Variants in RBMS2 observed in about 807,000 individuals in gnomAD.
RBMS2 encodes the protein RNA binding motif single stranded interacting protein 2.
RBMS2 carries 38 observed loss-of-function variants against 58.4 expected under a neutral mutation model. That is an observed-to-expected ratio of 0.65 (90% CI 0.50 to 0.85). The LOEUF is 0.85. Among genes scored for constraint, RBMS2 ranks in the 40% least tolerant of loss-of-function variants. The pLI, the probability that RBMS2 is intolerant of heterozygous loss-of-function variation, is 0.00. For missense variants in RBMS2, 367 were observed against 503.7 expected (o/e 0.73, Z 2.60); for synonymous variants, 151 against 180.7 (o/e 0.84, Z 1.32).
At chr12:56,524,574 G>T (rs139578445) in intron 1 of RBMS2, among the ~76,000 whole-genome samples, 1 of 151,342 alleles carries the variant, frequency 6.6e-6, no homozygotes, top group Admixed American at 6.6e-5. Flanking sequence ...CACCACACCC[G>T]GACAATTTTT....
Position 56,538,533 on chromosome 12 carries a change from G to A in RBMS2, c.66+16444G>A, listed in dbSNP as rs182340344. Reference sequence around the variant, plus strand: ...CAGGCTGTCTCACTCTGTCACCCAGGCTGGAGTGCAGTGATCTCAGCTTAC... The same window carrying A: ...CAGGCTGTCTCACTCTGTCACCCAGACTGGAGTGCAGTGATCTCAGCTTAC... On this transcript the variant is annotated intron_variant, in intron 1 of 13. Coordinates refer to ENST00000262031, the MANE Select transcript of RBMS2 (RefSeq NM_002898.4). Among the ~76,000 whole-genome samples, 98 of 136,136 alleles carry A rather than the reference G, an allele frequency of 7.2e-4. 2 individuals are homozygous for A. In the East Asian group the frequency reaches 0.019, roughly 26 times the overall value. 89.3% of individuals were successfully genotyped at this position (136,136 alleles called of 152,430 possible).
chr12:56,531,686 G>C (rs1873753994), intron 1 of RBMS2, among the ~76,000 whole-genome samples: 1 of 151,520 alleles, frequency 6.6e-6, no homozygotes, highest in Admixed American at 6.6e-5. Flanking sequence ...AAATTAGCTG[G>C]GCGTGGTGGT....
At chr12:56,545,316 G>C (rs1189545096) in intron 1 of RBMS2, among the ~76,000 whole-genome samples, 1 of 152,048 alleles carries the variant, frequency 6.6e-6, no homozygotes, top group Non-Finnish European at 1.5e-5. Flanking sequence ...CTTGTTGGTC[G>C]ATGAGCACTT....
rs1885676931 is a variant in RBMS2, at chr12:56,595,434, C to T, written c.*6301C>T. 6.8e-6 allele frequency: 1 copy of T among 146,966 alleles called. No individual in the cohort carries two copies. Among genetic ancestry groups the T allele is most frequent in the African/African-American group, 2.5e-5 (1 of 40,620 alleles). 9.1% of individuals were successfully genotyped at this position (146,966 alleles called of 1,614,324 possible). Reference sequence around the variant, plus strand: ...TATTTTGCATATTTTTATCTGGAGACTTCTTCTAGTTTTATACTCTTCCCA... The same window carrying T: ...TATTTTGCATATTTTTATCTGGAGATTTCTTCTAGTTTTATACTCTTCCCA... On this transcript the variant is annotated 3_prime_UTR_variant, in exon 14 of 14. Coordinates refer to ENST00000262031, the MANE Select transcript of RBMS2 (RefSeq NM_002898.4).
chr12:56,564,537 T>C (rs1880988481), intron 2 of RBMS2, among the ~76,000 whole-genome samples: 1 of 152,120 alleles, frequency 6.6e-6, no homozygotes, highest in African/African-American at 2.4e-5. Flanking sequence ...TAATTTTTTG[T>C]AAATTTTGTA....
chr12:56,550,308 T>C (rs1395095949), intron 1 of RBMS2, among the ~76,000 whole-genome samples: 1 of 152,044 alleles, frequency 6.6e-6, no homozygotes, highest in East Asian at 1.9e-4. Context: ...GGTGGGCAGA[T>C]TGCTTGAGCT....
intron 9 of RBMS2, among the ~76,000 whole-genome samples, chr12:56,586,525 G>C (rs1027830968): frequency 6.6e-6 from 1 of 151,130 alleles, no homozygotes; most frequent in African/African-American, 2.4e-5. Context: ...TTGGCTATTT[G>C]TATATCTTCT....
chr12:56,572,062 G>C lies in RBMS2; in HGVS notation c.542+207G>C, dbSNP rs988102716. Among the ~76,000 whole-genome samples the C allele has an allele frequency of 1.3e-4, 20 of 152,186 alleles. 1 individual carries two copies. The East Asian group carries it at 3.7e-3, about 28-fold the overall frequency. On this transcript the variant is annotated intron_variant, in intron 5 of 13. Coordinates refer to ENST00000262031, the MANE Select transcript of RBMS2 (RefSeq NM_002898.4). ...CCAGCACTTTAGGAGGCCAAGGCAG[G>C]CATATCACCTGAGGTCAGGAGTTTG...
chr12:56,561,857 G>C (rs1159628594), intron 1 of RBMS2, among the ~76,000 whole-genome samples: 5 of 150,844 alleles, frequency 3.3e-5, no homozygotes, highest in African/African-American at 9.7e-5. Flanking sequence ...GCCCAGGCTG[G>C]AGTGCAGTGG....
chr12:56,585,629 G>T (rs546162874), intron 9 of RBMS2, among the ~76,000 whole-genome samples: 11 of 152,176 alleles, frequency 7.2e-5, no homozygotes, highest in Admixed American at 4.6e-4. Context: ...TGTTTATCCA[G>T]TTATCAATTG....
intron 9 of RBMS2, among the ~76,000 whole-genome samples, chr12:56,585,931 C>T: frequency 6.6e-6 from 1 of 152,168 alleles, no homozygotes; most frequent in East Asian, 1.9e-4. Flanking sequence ...ACCTGTAATC[C>T]CAGCACTGTG....
chr12:56,525,183 A>T (rs1284107940), intron 1 of RBMS2, among the ~76,000 whole-genome samples: 1 of 151,968 alleles, frequency 6.6e-6, no homozygotes, highest in Non-Finnish European at 1.5e-5. Flanking sequence ...TGCTTATGTA[A>T]TTTGTGTATT....
intron 10 of RBMS2, 35 bp from the exon 11 acceptor site, chr12:56,587,519 C>A: frequency 6.2e-7 from 1 of 1,603,238 alleles, no homozygotes; most frequent in Non-Finnish European, 8.5e-7. Context: ...TCACAGGATG[C>A]TGCAGCTAAC....
intron 1 of RBMS2, among the ~76,000 whole-genome samples, chr12:56,524,481 G>A (rs1480320700): frequency 6.6e-6 from 1 of 151,130 alleles, no homozygotes; most frequent in Non-Finnish European, 1.5e-5. Context: ...GCAGTGGTGT[G>A]ATCTCAGCTC....
chr12:56,586,113 G>T (rs1326219177), intron 9 of RBMS2, among the ~76,000 whole-genome samples: 1 of 152,134 alleles, frequency 6.6e-6, no homozygotes, highest in African/African-American at 2.4e-5. Flanking sequence ...CATATCACGA[G>T]GTCAGGAGAT....
chr12:56,550,067 C>T (rs1272272379), intron 1 of RBMS2, among the ~76,000 whole-genome samples: 2 of 152,106 alleles, frequency 1.3e-5, no homozygotes, highest in Non-Finnish European at 2.9e-5. Flanking sequence ...TTTCCTTAAT[C>T]CTCCTATACT....
intron 1 of RBMS2, among the ~76,000 whole-genome samples, chr12:56,558,568 C>A (rs1403852434): frequency 1.3e-5 from 1 of 76,300 alleles, no homozygotes; most frequent in Non-Finnish European, 2.6e-5. Context: ...TTCCTTCCTT[C>A]TTTCCTTCCT....
intron 1 of RBMS2, among the ~76,000 whole-genome samples, chr12:56,535,867 A>G (rs1257423901): frequency 6.6e-6 from 1 of 152,102 alleles, no homozygotes; most frequent in Non-Finnish European, 1.5e-5. Context: ...TTGAGCTGTT[A>G]GTAATGAATG....
intron 2 of RBMS2, among the ~76,000 whole-genome samples, chr12:56,565,724 A>C (rs1274164557): frequency 6.6e-6 from 1 of 152,150 alleles, no homozygotes; most frequent in African/African-American, 2.4e-5. Context: ...GATGTTTCTC[A>C]TGCGTAGACG....
Sources: allele counts gnomAD v4.1 joint callset (sites outside exome capture counted in the v4.1 genomes callset), GRCh38; gene constraint gnomAD v4.1.1; transcripts MANE v1.5; gene names NCBI Gene and HGNC (gene_info 2026-07-23, HGNC 2026-07-21).